EFHC1: variants seen among roughly 807,000 people sequenced by gnomAD.
EFHC1 encodes EF-hand domain-containing protein 1.
A neutral mutation model predicts 69.9 loss-of-function variants in EFHC1; 53 were observed. That is an observed-to-expected ratio of 0.76 (90% CI 0.61 to 0.95). The LOEUF is 0.95. EFHC1 is among the 40% of genes least tolerant of loss of function. The probability of loss-of-function intolerance (pLI) is 0.00; values close to 1 mark genes in which losing one functional copy is unlikely to be tolerated. For synonymous variants in EFHC1, 256 were observed against 278.4 expected (o/e 0.92, Z 0.80); for missense variants, 739 against 798.7 (o/e 0.93, Z 0.90).
At chr6:52,439,387 T>C (rs942322169) in intron 3 of EFHC1, among the ~76,000 whole-genome samples, 5 of 152,192 alleles carry the variant, frequency 3.3e-5, no homozygotes, top group African/African-American at 1.2e-4. Context: ...TTTCATTTAG[T>C]AGTTTGTTTA....
At chr6:52,435,830 A>G (rs764012106) in intron 2 of EFHC1, among the ~76,000 whole-genome samples, 20 of 152,266 alleles carry the variant, frequency 1.3e-4, no homozygotes, top group Non-Finnish European at 2.8e-4. Flanking sequence ...GTTTCCTCCT[A>G]GTTAAGCTTT....
At position 52,424,160 on chromosome 6, in the gene EFHC1, A is replaced by T. The variant is rs1365092997; in HGVS notation, c.278A>T (p.Asp93Val). 1 of 1,613,876 alleles carries T rather than the reference A, an allele frequency of 6.2e-7. No homozygotes were observed. Among genetic ancestry groups the T allele is most frequent in the Admixed American group, 1.7e-5 (1 of 60,028 alleles). Reference protein sequence around the residue: ...ADFIPAHVAFDKKVLKFDAYF... With the variant: ...ADFIPAHVAFVKKVLKFDAYF... ...TTTATTCCTGCGCATGTGGCCTTTGACAAAAAGGTATCATCTGGAATTTTA... is the reference window on the plus strand; with the variant it reads ...TTTATTCCTGCGCATGTGGCCTTTGTCAAAAAGGTATCATCTGGAATTTTA... Residue 93 changes from aspartate (D) to valine (V), a missense_variant, in exon 2 of 11, where the codon GAC (aspartate) becomes GTC (valine). Coordinates refer to ENST00000371068, the MANE Select transcript of EFHC1 (RefSeq NM_018100.4).
intron 5 of EFHC1, among the ~76,000 whole-genome samples, chr6:52,458,641 G>T (rs1765096508): frequency 7.1e-6 from 1 of 140,536 alleles, no homozygotes; most frequent in African/African-American, 2.8e-5. Context: ...TGGCAAGCTT[G>T]CAGAGAAAAG....
chr6:52,424,827 C>T (rs3827793), intron 2 of EFHC1, among the ~76,000 whole-genome samples: 2 of 152,118 alleles, frequency 1.3e-5, no homozygotes, highest in Admixed American at 6.5e-5. Context: ...GAATCACTGG[C>T]GAGATTTTTA....
chr6:52,437,751 A>G (rs929954700), intron 2 of EFHC1: 4 of 155,836 alleles, frequency 2.6e-5, no homozygotes, highest in African/African-American at 4.8e-5. Flanking sequence ...AACCAGTTCT[A>G]TGGGATTAGA....
At chr6:52,467,599 G>A (rs921490739) in intron 6 of EFHC1, among the ~76,000 whole-genome samples, 1 of 152,068 alleles carries the variant, frequency 6.6e-6, no homozygotes, top group Non-Finnish European at 1.5e-5. Flanking sequence ...AGAGAGGGAA[G>A]CCCTGGATAA....
chr6:52,462,784 A>C (rs58935908), intron 5 of EFHC1, among the ~76,000 whole-genome samples: 14,263 of 150,738 alleles, frequency 0.095, 1,131 homozygotes, highest in Admixed American at 0.26. Flanking sequence ...GCTACTTAGG[A>C]GGCTGAGGCA....
chr6:52,434,399 T>C (rs1032493202), intron 2 of EFHC1, among the ~76,000 whole-genome samples: 1 of 152,184 alleles, frequency 6.6e-6, no homozygotes, highest in African/African-American at 2.4e-5. Flanking sequence ...CCTCTCTGAA[T>C]TGACCCAGCT....
chr6:52,460,226 A>G (rs921247560), intron 5 of EFHC1, among the ~76,000 whole-genome samples: 1 of 152,206 alleles, frequency 6.6e-6, no homozygotes, highest in Non-Finnish European at 1.5e-5. Flanking sequence ...TGATGTATGA[A>G]ACAACATGAA....
At chr6:52,492,249 T>C (rs1433525658) in intron 10 of EFHC1, 21 bp from the exon 11 acceptor site, 3 of 1,610,776 alleles carry the variant, frequency 1.9e-6, no homozygotes, top group Non-Finnish European at 2.5e-6. Flanking sequence ...GTCTCACCTA[T>C]TCTCTTTGCT....
chr6:52,469,709 CT>C (rs1347267054), intron 7 of EFHC1, among the ~76,000 whole-genome samples: 1 of 152,224 alleles, frequency 6.6e-6, no homozygotes, highest in African/African-American at 2.4e-5. Context: ...GATCATTAAT[CT>C]CTCACTCTTA....
chr6:52,447,070 G>T (rs903514806), intron 3 of EFHC1, among the ~76,000 whole-genome samples: 1 of 152,106 alleles, frequency 6.6e-6, no homozygotes, highest in African/African-American at 2.4e-5. Flanking sequence ...GAGTATCTTT[G>T]TGGCATTCTC....
chr6:52,455,889 CA>C (rs1765034082), intron 5 of EFHC1, among the ~76,000 whole-genome samples: 2 of 152,028 alleles, frequency 1.3e-5, no homozygotes, highest in Non-Finnish European at 2.9e-5. Context: ...GATTAATATA[CA>C]GTAGTTAGAA....
chr6:52,422,924 A>G (rs1469781315), intron 1 of EFHC1, among the ~76,000 whole-genome samples: 1 of 152,210 alleles, frequency 6.6e-6, no homozygotes, highest in Non-Finnish European at 1.5e-5. Context: ...CCAGGTTGCC[A>G]CGTGATCTCT....
intron 2 of EFHC1, among the ~76,000 whole-genome samples, chr6:52,432,548 T>G (rs1764439161): frequency 6.6e-6 from 1 of 152,194 alleles, no homozygotes; most frequent in Admixed American, 6.5e-5. Flanking sequence ...CCCTTCTAGC[T>G]TGTAGGGTTT....
chr6:52,454,022 A>G (rs1275454106), intron 4 of EFHC1, 73 bp from the exon 5 acceptor site: 2 of 1,609,322 alleles, frequency 1.2e-6, no homozygotes, highest in African/African-American at 1.3e-5. Context: ...TCGTTGATAC[A>G]TAATTGCCAA....
intron 5 of EFHC1, among the ~76,000 whole-genome samples, chr6:52,462,683 C>T (rs949974752): frequency 5.3e-5 from 8 of 151,988 alleles, no homozygotes; most frequent in South Asian, 2.1e-4. Context: ...GTCAGGAGTT[C>T]GAGACCAGCC....
At chr6:52,443,280 T>C (rs1297473980) in intron 3 of EFHC1, among the ~76,000 whole-genome samples, 1 of 152,250 alleles carries the variant, frequency 6.6e-6, no homozygotes, top group Non-Finnish European at 1.5e-5. Context: ...GTGCAGAAGC[T>C]CTTTAGTTTA....
In EFHC1 at chr6:52,438,327, C is replaced by T. The variant is rs150739716; in HGVS notation, c.309C>T (p.Phe103=). The change falls in exon 3 of 11, where the codon TTC becomes TTT. Residue 103 remains phenylalanine (F), a synonymous_variant. Coordinates refer to ENST00000371068, the MANE Select transcript of EFHC1 (RefSeq NM_018100.4). The part of the protein sequence containing the change: ...DKKVLKFDAY[F]QEDVPMSTEE... ...AGGTACTGAAATTTGATGCCTATTT[C>T]CAAGAAGATGTTCCTATGTCAACTG... 1.2e-6 allele frequency: 2 copies of T among 1,613,462 alleles called. No homozygotes were observed. Among genetic ancestry groups the T allele is most frequent in the Non-Finnish European group, 1.7e-6 (2 of 1,179,760 alleles).
Sources: allele counts gnomAD v4.1 joint callset (sites outside exome capture counted in the v4.1 genomes callset), GRCh38; gene constraint gnomAD v4.1.1; transcripts MANE v1.5; gene names NCBI Gene and HGNC (gene_info 2026-07-23, HGNC 2026-07-21).